Variants in DISP1 observed in about 807,000 individuals in gnomAD.
DISP1 encodes the protein protein dispatched homolog 1.
DISP1 carries 30 observed loss-of-function variants against 37.3 expected under a neutral mutation model. The observed-to-expected ratio is 0.80, with a 90% confidence interval of 0.60 to 1.09. The LOEUF (loss-of-function observed/expected upper bound fraction) is 1.09, where lower values mean the gene tolerates loss of function less well. Among genes scored for constraint, DISP1 ranks in the 50% least tolerant of loss-of-function variants. The pLI, the probability that DISP1 is intolerant of heterozygous loss-of-function variation, is 0.00. For synonymous variants in DISP1, 634 were observed against 690.2 expected (o/e 0.92, Z 1.28); for missense variants, 1,598 against 1,879.5 (o/e 0.85, Z 2.77).
At chr1:222,885,079 C>T (rs1670512167) in intron 1 of DISP1, among the ~76,000 whole-genome samples, 1 of 152,086 alleles carries the variant, frequency 6.6e-6, no homozygotes, top group Non-Finnish European at 1.5e-5. Flanking sequence ...CCGCCCGCCT[C>T]GGCCTCCCAA....
intron 1 of DISP1, among the ~76,000 whole-genome samples, chr1:222,900,147 G>A (rs1671501048): frequency 6.6e-6 from 1 of 152,110 alleles, no homozygotes; most frequent in Non-Finnish European, 1.5e-5. Flanking sequence ...ACATTAATCA[G>A]TAGAATTGAG....
At chr1:222,939,851 C>A (rs949407523) in intron 2 of DISP1, among the ~76,000 whole-genome samples, 1 of 150,962 alleles carries the variant, frequency 6.6e-6, no homozygotes, top group South Asian at 2.1e-4. Flanking sequence ...AAAGGCCGGG[C>A]GCAGTGGCTC....
chr1:222,949,355 C>G (rs1675041516), intron 3 of DISP1, among the ~76,000 whole-genome samples: 1 of 151,654 alleles, frequency 6.6e-6, no homozygotes, highest in Admixed American at 6.6e-5. Flanking sequence ...GATCGTACCA[C>G]TGCACTCCAG....
rs1472728438 is a variant in DISP1 at position 223,004,473 on chromosome 1, T to G, written c.3076T>G (p.Ser1026Ala). 1.4e-5 allele frequency: 23 copies of G among 1,614,120 alleles called. No homozygotes were observed. In the East Asian group the frequency reaches 5.1e-4, roughly 36 times the overall value. Residue 1026 changes from serine (S) to alanine (A), a missense_variant, in exon 9 of 9, where the codon TCT (serine) becomes GCT (alanine). Transcript: ENST00000675850. The surrounding 1 kb of genome is among the most constrained non-coding windows in gnomAD (Gnocchi z 4.9). ...IAGTIFVTVGSLVLLGWELNV... is the reference protein window; with the variant it reads ...IAGTIFVTVGALVLLGWELNV... Reference sequence around the variant, plus strand: ...TGGAACGATATTTGTCACTGTTGGTTCTCTTGTCCTGCTGGGCTGGGAGCT... The same window carrying G: ...TGGAACGATATTTGTCACTGTTGGTGCTCTTGTCCTGCTGGGCTGGGAGCT...
At chr1:222,912,536 C>T (rs1409697766) in intron 1 of DISP1, among the ~76,000 whole-genome samples, 1 of 152,098 alleles carries the variant, frequency 6.6e-6, no homozygotes, top group Non-Finnish European at 1.5e-5. Flanking sequence ...TTCCTTTTCC[C>T]ACATTTCCTT....
intron 3 of DISP1, among the ~76,000 whole-genome samples, chr1:222,961,086 GAA>G (rs1167881733): frequency 1.3e-5 from 2 of 151,980 alleles, no homozygotes; most frequent in African/African-American, 4.8e-5. Flanking sequence ...CCAAACAACA[GAA>G]AAAGAGGGAT....
Position 222,994,879 on chromosome 1 carries a change from C to G in DISP1, c.890-6C>G, listed in dbSNP as rs762604645. 8 of 1,586,768 alleles carry G rather than the reference C, an allele frequency of 5.0e-6. No individual in the cohort carries two copies. In the South Asian group the frequency reaches 8.8e-5, roughly 18 times the overall value. ...TTTTCTTTCCTTTTTTTTTTCATAT[C>G]ACCAGGTGACCGATATTCCAGAGTG... On this transcript the variant is annotated splice_polypyrimidine_tract_variant and splice_region_variant and intron_variant, in intron 7 of 8. Transcript: ENST00000675850.
intron 1 of DISP1, among the ~76,000 whole-genome samples, chr1:222,841,113 G>T (rs1458766169): frequency 6.6e-6 from 1 of 152,026 alleles, no homozygotes. Context: ...ATGAATTAAT[G>T]ACTAAATCAG....
At chr1:222,819,089 G>A (rs1383729834) in intron 1 of DISP1, among the ~76,000 whole-genome samples, 1 of 152,154 alleles carries the variant, frequency 6.6e-6, no homozygotes. Flanking sequence ...TCCCTCTAGT[G>A]TTGTCTCATG....
chr1:222,888,958 G>A (rs567724923), intron 1 of DISP1, among the ~76,000 whole-genome samples: 1 of 151,982 alleles, frequency 6.6e-6, no homozygotes, highest in Non-Finnish European at 1.5e-5. Flanking sequence ...ACATAGTGAT[G>A]TTTCTATACA....
chr1:222,936,908 T>TATATATTAC, intron 2 of DISP1, among the ~76,000 whole-genome samples: 1 of 85,386 alleles, frequency 1.2e-5, no homozygotes, highest in South Asian at 3.5e-4. Context: ...TTATATATAA[T>TATATATTAC]ATATTATATA....
chr1:222,831,304 T>C (rs1399852250), intron 1 of DISP1, among the ~76,000 whole-genome samples: 1 of 152,194 alleles, frequency 6.6e-6, no homozygotes, highest in East Asian at 1.9e-4. Flanking sequence ...TGTGGAATCA[T>C]AAATTAAACG....
chr1:222,859,786 G>C (rs1668767446), intron 1 of DISP1, among the ~76,000 whole-genome samples: 1 of 152,202 alleles, frequency 6.6e-6, no homozygotes. Flanking sequence ...TCCAGATAGA[G>C]TTTGGGATGA....
At chr1:222,969,180 G>A (rs765781374) in intron 3 of DISP1, among the ~76,000 whole-genome samples, 18 of 151,678 alleles carry the variant, frequency 1.2e-4, no homozygotes, top group Non-Finnish European at 2.6e-4. Context: ...AGACCAGCCT[G>A]GCCAACACAG....
chr1:222,859,677 A>G (rs1668762910), intron 1 of DISP1, among the ~76,000 whole-genome samples: 1 of 152,232 alleles, frequency 6.6e-6, no homozygotes, highest in African/African-American at 2.4e-5. Context: ...AGCAGATTTA[A>G]AAAGACTAAG....
At chr1:222,975,700 A>G (rs1677264775) in intron 3 of DISP1, among the ~76,000 whole-genome samples, 2 of 152,286 alleles carry the variant, frequency 1.3e-5, no homozygotes, top group South Asian at 2.1e-4. Context: ...ACATGTACAC[A>G]TACCGCAGTT....
intron 1 of DISP1, among the ~76,000 whole-genome samples, chr1:222,890,516 T>C (rs1255423680): frequency 1.3e-5 from 2 of 152,168 alleles, no homozygotes; most frequent in African/African-American, 2.4e-5. Context: ...TGAGTGTTTA[T>C]GAGAGCTGAT....
intron 2 of DISP1, among the ~76,000 whole-genome samples, chr1:222,932,860 T>G (rs1421845511): frequency 2.0e-5 from 3 of 152,018 alleles, no homozygotes; most frequent in Non-Finnish European, 4.4e-5. Context: ...TCTTGAAATA[T>G]GTATTTAGGA....
At chr1:222,875,567 C>T (rs1331862957) in intron 1 of DISP1, among the ~76,000 whole-genome samples, 1 of 149,444 alleles carries the variant, frequency 6.7e-6, no homozygotes, top group Non-Finnish European at 1.5e-5. Context: ...GCCTGTAATC[C>T]TAGCACTTTG....
Sources: gnomAD v4.1 joint callset for allele counts (sites outside exome capture counted in the v4.1 genomes callset) on GRCh38, gnomAD v4.1.1 for gene constraint, Gnocchi (gnomAD v3.1) non-coding constraint, MANE v1.5 for transcripts, NCBI Gene and HGNC (gene_info 2026-07-23, HGNC 2026-07-21) for gene names.